The following B3GALT5 variants were observed in gnomAD, a reference collection of about 807,000 sequenced individuals.
The protein encoded by B3GALT5 is beta-1,3-galactosyltransferase 5.
For missense variants in B3GALT5, 328 were observed against 396.6 expected (o/e 0.83, Z 1.47); for synonymous variants, 156 against 158.6 (o/e 0.98, Z 0.12).
chr21:39,639,416 CTTTCTT>C (rs2079267643), intron 1 of B3GALT5, among the ~76,000 whole-genome samples: 5 of 97,910 alleles, frequency 5.1e-5, no homozygotes, highest in African/African-American at 1.9e-4. Context: ...TTCTTTCTTT[CTTTCTT>C]TCTTTCTTTC....
At chr21:39,633,008 A>G (rs2079202267) in intron 1 of B3GALT5, among the ~76,000 whole-genome samples, 1 of 152,136 alleles carries the variant, frequency 6.6e-6, no homozygotes. Flanking sequence ...AGGCAGTTGC[A>G]ATATCTCATC....
chr21:39,642,873 C>CAA lies in B3GALT5; in HGVS notation c.-391-3502_-391-3501dup, dbSNP rs1210751363. Among the ~76,000 whole-genome samples, 70 of 100,076 alleles carry CAA rather than the reference C, an allele frequency of 7.0e-4. 2 individuals are homozygous for CAA. The highest frequency in any genetic ancestry group is 1.8e-3 in the African/African-American group (55 of 29,976). 65.7% of individuals were successfully genotyped at this position (100,076 alleles called of 152,430 possible). On this transcript the variant is annotated intron_variant, in intron 1 of 3. Transcript: ENST00000684187. ...CAACATAACGAGACTCCCATTGCCA[C>CAA]AAAAAAAAAAAAAAAAAAGAAAAGA... is the stretch of plus-strand genomic sequence containing the variant.
In B3GALT5 at chr21:39,660,946, C is replaced by A. The variant is rs1397563730; in HGVS notation, c.387C>A (p.Tyr129Ter). The change falls in exon 4 of 4, where the codon TAC becomes TAA. Residue 129 changes from tyrosine (Y) to a stop codon, truncating the protein, a stop_gained. Transcript: ENST00000684187. LOFTEE classifies it low-confidence loss of function (END_TRUNC). The part of the protein sequence containing the change: ...IIQKDFLDVY[Y>*]NLTLKTMMGI... ...AGAAGGATTTCCTAGACGTCTATTA[C>A]AATCTGACCCTGAAGACCATGATGG... 6.2e-7 allele frequency: 1 copy of A among 1,606,320 alleles called. No homozygotes were observed. Among genetic ancestry groups the A allele is most frequent in the East Asian group, 2.2e-5 (1 of 44,780 alleles).
intron 1 of B3GALT5, among the ~76,000 whole-genome samples, chr21:39,615,522 G>C (rs2079103042): frequency 1.3e-5 from 2 of 152,204 alleles, no homozygotes; most frequent in Non-Finnish European, 2.9e-5. Context: ...GAAGTCGTTT[G>C]GGACCAAGTT....
rs936563538 is a variant in B3GALT5 at position 39,666,340 on chromosome 21, T to G, written c.*4848T>G. ...TTGTTTTTGAGACAGAGTCTCACTC[T>G]GTCACCTAGGCTGAAGTGCAGTGGT... On this transcript the variant is annotated 3_prime_UTR_variant, in exon 4 of 4. Transcript: ENST00000684187. The G allele has an allele frequency of 1.3e-5, 2 of 152,488 alleles. No individual in the cohort carries two copies. The highest frequency in any genetic ancestry group is 4.8e-5 in the African/African-American group (2 of 41,468). The allele number at this position is 152,488 out of a possible 1,614,324, so 9.4% of individuals were successfully genotyped here.
chr21:39,663,547 G>A lies in B3GALT5; in HGVS notation c.*2055G>A, dbSNP rs981949642. The A allele has an allele frequency of 3.3e-5, 5 of 150,322 alleles. No individual in the cohort carries two copies. The highest frequency in any genetic ancestry group is 9.8e-5 in the African/African-American group (4 of 40,692). The allele number at this position is 150,322 out of a possible 1,614,324, so 9.3% of individuals were successfully genotyped here. ...AGCTGGAGCGTAGTGGCCTGATCTC[G>A]CTGCAGCCTTGAACTCAACGAGCCT... On this transcript the variant is annotated 3_prime_UTR_variant, in exon 4 of 4. Coordinates refer to ENST00000684187, the MANE Select transcript of B3GALT5 (RefSeq NM_001356336.2).
Position 39,662,884 on chromosome 21 carries a change from C to T in B3GALT5, c.*1392C>T, listed in dbSNP as rs781760127. ...TGTCACATATAAATGTTGGACTAAA[C>T]TCTTACTTGAACTCAGGAAAAGTTA... is the stretch of plus-strand genomic sequence containing the variant. On this transcript the variant is annotated 3_prime_UTR_variant, in exon 4 of 4. Transcript: ENST00000684187. 1 of 166,528 alleles carries T rather than the reference C, an allele frequency of 6.0e-6. No homozygotes were observed. Among genetic ancestry groups the T allele is most frequent in the African/African-American group, 2.4e-5 (1 of 41,464 alleles). The allele number at this position is 166,528 out of a possible 1,614,324, so 10.3% of individuals were successfully genotyped here.
At chr21:39,631,198 G>T (rs536214350) in intron 1 of B3GALT5, among the ~76,000 whole-genome samples, 2 of 152,322 alleles carry the variant, frequency 1.3e-5, no homozygotes, top group East Asian at 3.9e-4. Context: ...AAAAACTTAT[G>T]ATCTCACAGT....
At chr21:39,622,846 A>T in intron 1 of B3GALT5, among the ~76,000 whole-genome samples, 1 of 149,338 alleles carries the variant, frequency 6.7e-6, no homozygotes, top group Non-Finnish European at 1.5e-5. Context: ...TTCCCATTTT[A>T]CTTCTTTTGC....
intron 1 of B3GALT5, among the ~76,000 whole-genome samples, chr21:39,616,107 G>A (rs1028632372): frequency 1.3e-5 from 2 of 152,052 alleles, no homozygotes; most frequent in African/African-American, 4.8e-5. Flanking sequence ...TGTTTAAGCT[G>A]TAGACACAGG....
intron 1 of B3GALT5, among the ~76,000 whole-genome samples, chr21:39,639,288 CTCTTTCTTTCTTTCTTTCTT>C (rs71184689): frequency 4.1e-5 from 4 of 98,524 alleles, no homozygotes; most frequent in South Asian, 3.8e-4. Flanking sequence ...AGGCATCTGG[CTCTTTCTTTCTTTCTTTCTT>C]TCTTTCTTTC....
chr21:39,635,768 C>T (rs1310570101), intron 1 of B3GALT5, among the ~76,000 whole-genome samples: 1 of 152,210 alleles, frequency 6.6e-6, no homozygotes, highest in Non-Finnish European at 1.5e-5. Flanking sequence ...GTGTGAGCCA[C>T]CGCACCTGGC....
At chr21:39,639,327 TTTC>T (rs2079257770) in intron 1 of B3GALT5, among the ~76,000 whole-genome samples, 1 of 117,270 alleles carries the variant, frequency 8.5e-6, no homozygotes, top group Non-Finnish European at 1.8e-5. Flanking sequence ...TCTTTCTTTC[TTTC>T]TTTCTTTCTT....
In B3GALT5 at chr21:39,660,621, T is replaced by C; in HGVS notation, c.62T>C (p.Leu21Ser). ...ICLLVLGALC[L>S]YFSMYSLNPF... is the part of the protein sequence containing the mutation. ...CTTCTGGTTCTGGGGGCTCTTTGTT[T>C]GTATTTTAGCATGTACAGTCTAAAT... The change falls in exon 4 of 4, where the codon TTG (leucine) becomes TCG (serine). Residue 21 changes from leucine (L) to serine (S), a missense_variant. Physicochemically the swap from Leu to Ser is moderately radical, Grantham distance 145. Transcript: ENST00000684187. 3 of 1,458,450 alleles carry C rather than the reference T, an allele frequency of 2.1e-6. No individual in the cohort carries two copies. Among genetic ancestry groups the C allele is most frequent in the Non-Finnish European group, 1.8e-6 (2 of 1,103,710 alleles). The allele number at this position is 1,458,450 out of a possible 1,614,324, so 90.3% of individuals were successfully genotyped here.
In B3GALT5 at chr21:39,664,128, AGG is replaced by A. The variant is rs1385844165; in HGVS notation, c.*2638_*2639del. 1 of 152,338 alleles carries A rather than the reference AGG, an allele frequency of 6.6e-6. No individual in the cohort carries two copies. Among genetic ancestry groups the A allele is most frequent in the Non-Finnish European group, 1.5e-5 (1 of 68,132 alleles). The allele number at this position is 152,338 out of a possible 1,614,324, so 9.4% of individuals were successfully genotyped here. A position where few individuals can be genotyped will look rare whatever the true frequency, so the allele number is the denominator to read the frequency against. ...TTAGGAAACTGAGGCAGAGAGAGAG[AGG>A]GTGAACAACTCATTCAAGGTTACAT... On this transcript the variant is annotated 3_prime_UTR_variant, in exon 4 of 4. Transcript: ENST00000684187.
chr21:39,650,439 C>T (rs2079383923), intron 2 of B3GALT5, among the ~76,000 whole-genome samples: 1 of 152,134 alleles, frequency 6.6e-6, no homozygotes, highest in Non-Finnish European at 1.5e-5. Flanking sequence ...CCTGTGGCCA[C>T]AGCAGCAGCA....
At chr21:39,658,772 C>T (rs1432745497) in intron 2 of B3GALT5, among the ~76,000 whole-genome samples, 1 of 152,156 alleles carries the variant, frequency 6.6e-6, no homozygotes, top group East Asian at 1.9e-4. Flanking sequence ...GGCAGGAACT[C>T]CCCAGGGGTG....
In B3GALT5 at chr21:39,667,004, GA is replaced by G. The variant is rs1229571654; in HGVS notation, c.*5515del. The G allele has an allele frequency of 1.3e-5, 2 of 152,322 alleles. No individual in the cohort carries two copies. Among genetic ancestry groups the G allele is most frequent in the East Asian group, 3.9e-4 (2 of 5,170 alleles). 9.4% of individuals were successfully genotyped at this position (152,322 alleles called of 1,614,324 possible). A position where few individuals can be genotyped will look rare whatever the true frequency, so the allele number is the denominator to read the frequency against. On this transcript the variant is annotated 3_prime_UTR_variant, in exon 4 of 4. Coordinates refer to ENST00000684187, the MANE Select transcript of B3GALT5 (RefSeq NM_001356336.2). ...TTTTTAAAACAGCAAATCTGATTAG[GA>G]AACTCAGAGGCCCAGGGAAGCCAGT...
At position 39,639,341 on chromosome 21, in the gene B3GALT5, T is replaced by TTTTTC. The variant is rs1569212129; in HGVS notation, c.-391-7051_-391-7050insTTTTC. ...TTCTTTCTTTCTTTCTTTCTTTCTT[T>TTTTTC]CTTTCTTTCCTTCCTTCCTTCCTTC... On this transcript the variant is annotated intron_variant, in intron 1 of 3. Coordinates refer to ENST00000684187, the MANE Select transcript of B3GALT5 (RefSeq NM_001356336.2). Among the ~76,000 whole-genome samples, 91 of 126,282 alleles carry TTTTTC rather than the reference T, an allele frequency of 7.2e-4. 4 individuals carry two copies. The highest frequency in any genetic ancestry group is 7.8e-3 in the Middle Eastern group (2 of 256). 82.8% of individuals were successfully genotyped at this position (126,282 alleles called of 152,430 possible).
Sources: gnomAD v4.1 joint callset for allele counts (sites outside exome capture counted in the v4.1 genomes callset) on GRCh38, gnomAD v4.1.1 for gene constraint, MANE v1.5 for transcripts, NCBI Gene and HGNC (gene_info 2026-07-23, HGNC 2026-07-21) for gene names.